The following FBXL17 variants were observed in gnomAD, a reference collection of about 807,000 sequenced individuals.
FBXL17 encodes F-box/LRR-repeat protein 17.
In FBXL17, 22 loss-of-function variants were observed where a neutral mutation model predicts 66.2. That is an observed-to-expected ratio of 0.33 (90% CI 0.24 to 0.47). The LOEUF (loss-of-function observed/expected upper bound fraction) is 0.47, where lower values mean the gene tolerates loss of function less well. Ranked by LOEUF, FBXL17 falls within the 20% of genes least tolerant of loss-of-function variation. FBXL17 has a pLI of 1.00. For missense variants in FBXL17, 878 were observed against 948.2 expected (o/e 0.93, Z 0.97); for synonymous variants, 474 against 400.5 (o/e 1.18, Z -2.19).
chr5:108,110,212 C>A (rs540077796), intron 6 of FBXL17, among the ~76,000 whole-genome samples: 1 of 152,170 alleles, frequency 6.6e-6, no homozygotes, highest in East Asian at 1.9e-4. Context: ...TTCAAGAACA[C>A]CCAAGCAGAA....
chr5:108,073,637 A>G (rs1363728753), intron 6 of FBXL17, among the ~76,000 whole-genome samples: 1 of 152,222 alleles, frequency 6.6e-6, no homozygotes, highest in Non-Finnish European at 1.5e-5. Flanking sequence ...GAGGCTTTAC[A>G]GTACACTATA....
At chr5:108,332,218 A>T (rs1760155833) in intron 4 of FBXL17, among the ~76,000 whole-genome samples, 1 of 152,158 alleles carries the variant, frequency 6.6e-6, no homozygotes. Flanking sequence ...GTATGGATGG[A>T]GCGTTCCTGA....
intron 7 of FBXL17, among the ~76,000 whole-genome samples, chr5:107,954,543 G>T (rs1751599296): frequency 6.6e-6 from 1 of 152,210 alleles, no homozygotes; most frequent in Non-Finnish European, 1.5e-5. Flanking sequence ...GGCAAAGACA[G>T]CTGATTTTAA....
intron 6 of FBXL17, among the ~76,000 whole-genome samples, chr5:108,128,914 C>T (rs527973260): frequency 1.3e-5 from 2 of 152,054 alleles, no homozygotes; most frequent in African/African-American, 2.4e-5. Context: ...CGAGCCCAAC[C>T]AAGCTCAATT....
chr5:107,957,165 C>A (rs370740834), intron 7 of FBXL17, among the ~76,000 whole-genome samples: 45 of 152,218 alleles, frequency 3.0e-4, no homozygotes, highest in African/African-American at 1.0e-3. Context: ...GATTAAGATT[C>A]CTTATACCAG....
rs138296374 is a variant in FBXL17 at position 108,000,073 on chromosome 5, A to C, written c.1822+20852T>G. Among the ~76,000 whole-genome samples, 58 of 152,330 alleles carry C rather than the reference A, an allele frequency of 3.8e-4. No individual in the cohort carries two copies. The East Asian group carries it at 0.011, about 29-fold the overall frequency. ...TGTATAATCTTGGGCAATTTGCTTA[A>C]CTTCCCTGGATTCCTGTTTTCTTAT... is the stretch of plus-strand genomic sequence containing the variant. On this transcript the variant is annotated intron_variant, in intron 7 of 8. Transcript: ENST00000542267.
intron 7 of FBXL17, among the ~76,000 whole-genome samples, chr5:107,995,429 T>G (rs1753433035): frequency 6.6e-6 from 1 of 152,194 alleles, no homozygotes; most frequent in Non-Finnish European, 1.5e-5. Flanking sequence ...ACAGGATATT[T>G]AAACTCTATC....
intron 7 of FBXL17, among the ~76,000 whole-genome samples, chr5:108,005,776 A>T (rs1320716668): frequency 3.3e-5 from 5 of 152,240 alleles, no homozygotes; most frequent in African/African-American, 1.2e-4. Context: ...AACTGGACTT[A>T]TAACGTGTGG....
intron 5 of FBXL17, among the ~76,000 whole-genome samples, chr5:108,193,770 T>C (rs1040418808): frequency 3.9e-5 from 6 of 152,252 alleles, no homozygotes; most frequent in Non-Finnish European, 8.8e-5. Flanking sequence ...TTGGAATTAA[T>C]AGTAGCTATG....
chr5:107,943,672 G>A (rs142859129), intron 7 of FBXL17, among the ~76,000 whole-genome samples: 4 of 151,458 alleles, frequency 2.6e-5, no homozygotes, highest in Admixed American at 6.6e-5. Flanking sequence ...GGTCAAATCT[G>A]GCCTGCTGCT....
At chr5:108,143,374 CAT>C (rs749924086) in intron 6 of FBXL17, among the ~76,000 whole-genome samples, 32 of 151,678 alleles carry the variant, frequency 2.1e-4, no homozygotes, top group Non-Finnish European at 2.8e-4. Flanking sequence ...CACACACACA[CAT>C]ATACAAATAA....
At chr5:107,927,244 T>A (rs926921743) in intron 7 of FBXL17, among the ~76,000 whole-genome samples, 3 of 152,144 alleles carry the variant, frequency 2.0e-5, no homozygotes, top group African/African-American at 7.2e-5. Context: ...TGGCCTCTAA[T>A]AATAAGAACT....
chr5:108,033,243 T>C (rs1746710307), intron 6 of FBXL17, among the ~76,000 whole-genome samples: 2 of 152,182 alleles, frequency 1.3e-5, no homozygotes, highest in African/African-American at 2.4e-5. Flanking sequence ...CATCAGTTTA[T>C]CTTATTTTTT....
At chr5:107,873,982 C>T (rs541168182) in intron 8 of FBXL17, among the ~76,000 whole-genome samples, 16 of 152,190 alleles carry the variant, frequency 1.1e-4, no homozygotes, top group African/African-American at 1.4e-4. Flanking sequence ...ACTTGCAGCA[C>T]GTTCCCTTAA....
intron 6 of FBXL17, among the ~76,000 whole-genome samples, chr5:108,054,728 C>T (rs1271935880): frequency 6.6e-6 from 1 of 152,182 alleles, no homozygotes; most frequent in Non-Finnish European, 1.5e-5. Context: ...AGAAAGCAGG[C>T]TTTTGTTGGA....
At chr5:108,127,389 C>A (rs1044139740) in intron 6 of FBXL17, among the ~76,000 whole-genome samples, 1 of 152,194 alleles carries the variant, frequency 6.6e-6, no homozygotes, top group Non-Finnish European at 1.5e-5. Context: ...GCTGTGCTGG[C>A]ACAAGGGGCT....
intron 4 of FBXL17, among the ~76,000 whole-genome samples, chr5:108,257,529 TATC>T: frequency 6.6e-6 from 1 of 152,140 alleles, no homozygotes; most frequent in East Asian, 1.9e-4. Context: ...AGATAATAAT[TATC>T]ATTATTATTA....
chr5:108,330,465 C>A lies in FBXL17; in HGVS notation c.1506+17934G>T, dbSNP rs140050226. Among the ~76,000 whole-genome samples, 20 of 152,210 alleles carry A rather than the reference C, an allele frequency of 1.3e-4. No homozygotes were observed. The East Asian group carries it at 3.9e-3, about 29-fold the overall frequency. On this transcript the variant is annotated intron_variant, in intron 4 of 8. Coordinates refer to ENST00000542267, the MANE Select transcript of FBXL17 (RefSeq NM_001163315.3). Reference sequence around the variant, plus strand: ...CTTCAATGCAATTAATTATGTGAAACTTCTCAAACTACAACCCAAAACCTT... The same window carrying A: ...CTTCAATGCAATTAATTATGTGAAAATTCTCAAACTACAACCCAAAACCTT...
intron 4 of FBXL17, among the ~76,000 whole-genome samples, chr5:108,294,627 C>T (rs1758270738): frequency 6.6e-6 from 1 of 152,094 alleles, no homozygotes; most frequent in Non-Finnish European, 1.5e-5. Context: ...CTCTCTCTCT[C>T]TTCTCTTGAC....
Sources: gnomAD v4.1 joint callset for allele counts (sites outside exome capture counted in the v4.1 genomes callset) on GRCh38, gnomAD v4.1.1 for gene constraint, MANE v1.5 for transcripts, NCBI Gene and HGNC (gene_info 2026-07-23, HGNC 2026-07-21) for gene names.